The following ANKFY1 variants were observed in gnomAD, a reference collection of about 807,000 sequenced individuals.
The protein encoded by ANKFY1 is ankyrin repeat and FYVE domain containing 1.
In ANKFY1, 47 loss-of-function variants were observed where a neutral mutation model predicts 128.3. The observed-to-expected ratio is 0.37, with a 90% CI of 0.29 to 0.47. The LOEUF is 0.47. Among genes scored for constraint, ANKFY1 ranks in the 20% least tolerant of loss-of-function variants. ANKFY1 has a pLI of 1.00. For missense variants in ANKFY1, 1,222 were observed against 1,510.6 expected (o/e 0.81, Z 3.17); for synonymous variants, 553 against 601.6 (o/e 0.92, Z 1.18).
At position 4,254,793 on chromosome 17, in the gene ANKFY1, A is replaced by C. The variant is rs372691111; in HGVS notation, c.10+9139T>G. Reference sequence around the variant, plus strand: ...CACTTTCCTGTAATATTTTGCAATAAGACAGAAAGTGGGAATTAATATTTT... The same window carrying C: ...CACTTTCCTGTAATATTTTGCAATACGACAGAAAGTGGGAATTAATATTTT... On this transcript the variant is annotated intron_variant, in intron 1 of 24. Coordinates refer to ENST00000341657, the MANE Select transcript of ANKFY1 (RefSeq NM_001330063.2). Among the ~76,000 whole-genome samples, 16 of 152,372 alleles carry C rather than the reference A, an allele frequency of 1.1e-4. No individual in the cohort carries two copies. The East Asian group carries it at 2.7e-3, about 26-fold the overall frequency.
At chr17:4,175,776 C>T (rs770854013) in intron 19 of ANKFY1, among the ~76,000 whole-genome samples, 4 of 152,164 alleles carry the variant, frequency 2.6e-5, no homozygotes, top group Admixed American at 1.3e-4. Flanking sequence ...TCATAACTGG[C>T]CCCACAGCTG....
rs137930714 is a variant in ANKFY1 at position 4,242,710 on chromosome 17, G to A, written c.11-262C>T. Among the ~76,000 whole-genome samples, 646 of 152,248 alleles carry A rather than the reference G, an allele frequency of 4.2e-3. 4 individuals carry two copies. The highest frequency in any genetic ancestry group is 6.8e-3 in the Middle Eastern group (2 of 294). ...GGAGTTTGAGACCATCCTGGGCAAC[G>A]TACTGTCTCCACGTTTTTAAATATT... On this transcript the variant is annotated intron_variant, in intron 1 of 24. Coordinates refer to ENST00000341657, the MANE Select transcript of ANKFY1 (RefSeq NM_001330063.2).
In ANKFY1 at chr17:4,186,991, G is replaced by A. The variant is rs1415760639; in HGVS notation, c.1471-1945C>T. On this transcript the variant is annotated intron_variant, in intron 11 of 24. Coordinates refer to ENST00000341657, the MANE Select transcript of ANKFY1 (RefSeq NM_001330063.2). ...TCCTCTGTTTTTCCATGGGTTCGCC[G>A]CAACTGTTTTTTTTAAATTCGTATT... 1.7e-5 allele frequency: 21 copies of A among 1,211,632 alleles called. No individual in the cohort carries two copies. The East Asian group carries it at 5.0e-4, about 29-fold the overall frequency. The allele number at this position is 1,211,632 out of a possible 1,614,324, so 75.1% of individuals were successfully genotyped here. A position where few individuals can be genotyped will look rare whatever the true frequency, so the allele number is the denominator to read the frequency against.
chr17:4,164,906 T>C lies in ANKFY1; in HGVS notation c.*2873A>G, dbSNP rs534802773. On this transcript the variant is annotated 3_prime_UTR_variant, in exon 25 of 25. Transcript: ENST00000341657. The stretch of plus-strand genomic sequence containing the variant: ...CTAAAGGTCACGTAGACCCCACTCC[T>C]TGGAGAGAACGTGGCAGGTGAACTG... The C allele has an allele frequency of 6.5e-6, 1 of 152,760 alleles. No homozygotes were observed. The highest frequency in any genetic ancestry group is 6.5e-5 in the Admixed American group (1 of 15,304). The allele number at this position is 152,760 out of a possible 1,614,324, so 9.5% of individuals were successfully genotyped here.
Position 4,263,975 on chromosome 17 carries a change from A to C in ANKFY1, c.-34T>G, listed in dbSNP as rs1447038622. ...CGGCACTGCCTGCAACCTCGCGAGA[A>C]GTGCGCGGCTCAACCGGGGCGGTGC... On this transcript the variant is annotated 5_prime_UTR_variant, in exon 1 of 25. Transcript: ENST00000341657. 1.2e-6 allele frequency: 2 copies of C among 1,613,912 alleles called. No individual in the cohort carries two copies. The highest frequency in any genetic ancestry group is 1.7e-5 in the Admixed American group (1 of 60,026).
At chr17:4,172,535 T>C (rs371345403) in intron 22 of ANKFY1, 21 bp downstream of exon 22, 2 of 1,609,138 alleles carry the variant, frequency 1.2e-6, no homozygotes, top group Non-Finnish European at 1.7e-6. Flanking sequence ...AGACGGGACA[T>C]ACCCAGCCCT....
chr17:4,231,899 G>C (rs979052458), intron 3 of ANKFY1, among the ~76,000 whole-genome samples: 15 of 150,684 alleles, frequency 1.0e-4, no homozygotes, highest in Admixed American at 9.3e-4. Flanking sequence ...ATTGCACCAT[G>C]GCACTCTAGC....
intron 7 of ANKFY1, among the ~76,000 whole-genome samples, chr17:4,198,528 C>T (rs1314873615): frequency 2.6e-5 from 4 of 152,036 alleles, no homozygotes; most frequent in African/African-American, 7.2e-5. Flanking sequence ...TGTGCCACCA[C>T]ACCTGGCTAA....
chr17:4,214,355 C>T (rs957370496), intron 4 of ANKFY1, among the ~76,000 whole-genome samples: 2 of 152,100 alleles, frequency 1.3e-5, no homozygotes, highest in East Asian at 3.8e-4. Flanking sequence ...ACATGATTTA[C>T]GCAACCAAGG....
chr17:4,167,960 C>A lies in ANKFY1; in HGVS notation c.3378-49G>T. On this transcript the variant is annotated intron_variant, in intron 24 of 24. Transcript: ENST00000341657. The surrounding 1 kb of genome is among the most constrained non-coding windows in gnomAD (Gnocchi z 4.1). ...ATGAGAGGAGCGCCAACGACAGACTCTGCTTCCTGGCACGTGAGGACAACC... is the reference window on the plus strand; with the variant it reads ...ATGAGAGGAGCGCCAACGACAGACTATGCTTCCTGGCACGTGAGGACAACC... 6.3e-7 allele frequency: 1 copy of A among 1,583,548 alleles called. No homozygotes were observed. The highest frequency in any genetic ancestry group is 8.6e-7 in the Non-Finnish European group (1 of 1,161,410).
chr17:4,182,096 T>C, intron 15 of ANKFY1, 85 bp downstream of exon 15: 1 of 1,292,538 alleles, frequency 7.7e-7, no homozygotes, highest in South Asian at 2.7e-5. Context: ...ATCTTGCTCC[T>C]GTGACAGCTA....
At chr17:4,219,913 C>T (rs2060281204) in intron 3 of ANKFY1, among the ~76,000 whole-genome samples, 1 of 152,116 alleles carries the variant, frequency 6.6e-6, no homozygotes, top group Non-Finnish European at 1.5e-5. Context: ...CCTCTGCCTC[C>T]CGGGTTCAAG....
chr17:4,261,882 T>C (rs1011694194), intron 1 of ANKFY1, among the ~76,000 whole-genome samples: 11 of 152,224 alleles, frequency 7.2e-5, no homozygotes, highest in Admixed American at 4.6e-4. Context: ...GAGCAACAGC[T>C]GTCTGCTGTG....
intron 10 of ANKFY1, chr17:4,191,397 G>T (rs2059714120): frequency 2.0e-5 from 3 of 151,476 alleles, no homozygotes; most frequent in Admixed American, 2.0e-4. Context: ...TTAATCTGGA[G>T]ACGCCTAGTT....
intron 5 of ANKFY1, among the ~76,000 whole-genome samples, chr17:4,208,935 G>A (rs1283915754): frequency 6.6e-6 from 1 of 151,972 alleles, no homozygotes; most frequent in Non-Finnish European, 1.5e-5. Flanking sequence ...GCTGCATGCC[G>A]GTAATCCCAG....
At chr17:4,248,579 C>T (rs1967680878) in intron 1 of ANKFY1, among the ~76,000 whole-genome samples, 1 of 152,238 alleles carries the variant, frequency 6.6e-6, no homozygotes, top group Non-Finnish European at 1.5e-5. Flanking sequence ...GCTGCTACTC[C>T]TCTGCCTACT....
chr17:4,262,661 C>T (rs8071738), intron 1 of ANKFY1, among the ~76,000 whole-genome samples: 14,086 of 151,968 alleles, frequency 0.093, 850 homozygotes, highest in Middle Eastern at 0.14. Flanking sequence ...GCAGAAGGAT[C>T]GCTTGAGCCC....
chr17:4,183,316 C>A (rs899839312), intron 14 of ANKFY1, 82 bp downstream of exon 14: 33 of 1,533,902 alleles, frequency 2.2e-5, no homozygotes, highest in Non-Finnish European at 2.7e-5. Context: ...AACAAAAACA[C>A]TTTTCTACAA....
chr17:4,232,981 T>C (rs1287179803), intron 3 of ANKFY1, among the ~76,000 whole-genome samples: 1 of 151,758 alleles, frequency 6.6e-6, no homozygotes, highest in Non-Finnish European at 1.5e-5. Flanking sequence ...CCTACGACAG[T>C]ATCCCAGAAG....
Sources: gnomAD v4.1 joint callset for allele counts (sites outside exome capture counted in the v4.1 genomes callset) on GRCh38, gnomAD v4.1.1 for gene constraint, Gnocchi (gnomAD v3.1) non-coding constraint, MANE v1.5 for transcripts, NCBI Gene and HGNC (gene_info 2026-07-23, HGNC 2026-07-21) for gene names.